The following NKAIN2 variants were observed in gnomAD, a reference collection of about 807,000 sequenced individuals.
NKAIN2 encodes the protein sodium/potassium transporting ATPase interacting 2.
Under a neutral mutation model 32.6 loss-of-function variants are expected in NKAIN2, and 14 were observed. The ratio of observed to expected loss-of-function variants is 0.43; its 90% CI spans 0.28 to 0.67. The LOEUF is 0.67. Ranked by LOEUF, NKAIN2 falls within the 30% of genes least tolerant of loss-of-function variation. The pLI is 0.17. For synonymous variants in NKAIN2, 80 were observed against 87.2 expected (o/e 0.92, Z 0.46); for missense variants, 198 against 258.3 (o/e 0.77, Z 1.60).
chr6:124,227,561 T>G (rs1792186950), intron 1 of NKAIN2, among the ~76,000 whole-genome samples: 1 of 152,204 alleles, frequency 6.6e-6, no homozygotes, highest in Admixed American at 6.6e-5. Flanking sequence ...AATGTTATAA[T>G]TTTAAATTTG....
At chr6:124,795,430 A>G (rs1205491857) in intron 5 of NKAIN2, among the ~76,000 whole-genome samples, 1 of 152,134 alleles carries the variant, frequency 6.6e-6, no homozygotes, top group Non-Finnish European at 1.5e-5. Context: ...ATGAAATACC[A>G]ATAAATCATC....
chr6:124,512,252 A>G (rs1016290014), intron 3 of NKAIN2, among the ~76,000 whole-genome samples: 3 of 152,186 alleles, frequency 2.0e-5, no homozygotes, highest in Non-Finnish European at 2.9e-5. Context: ...GCACCCAAAT[A>G]CACCATGGGG....
intron 3 of NKAIN2, among the ~76,000 whole-genome samples, chr6:124,583,916 A>G (rs1016828155): frequency 2.0e-5 from 3 of 152,216 alleles, no homozygotes; most frequent in Admixed American, 6.5e-5. Context: ...TTGATAAATG[A>G]TGCTGGGAAA....
chr6:123,915,511 G>A (rs556415593), intron 1 of NKAIN2, among the ~76,000 whole-genome samples: 42 of 152,264 alleles, frequency 2.8e-4, no homozygotes, highest in Admixed American at 2.0e-3. Flanking sequence ...TCATCCATGT[G>A]ACTTGGTTTG....
rs766720099 is a variant in NKAIN2 at position 124,399,171 on chromosome 6, C to T, written c.273+43824C>T. Among the ~76,000 whole-genome samples, 53 of 152,334 alleles carry T rather than the reference C, an allele frequency of 3.5e-4. 1 individual carries two copies. The highest frequency in any genetic ancestry group is 3.4e-3 in the Middle Eastern group (1 of 294). On this transcript the variant is annotated intron_variant, in intron 3 of 6. Coordinates refer to ENST00000368417, the MANE Select transcript of NKAIN2 (RefSeq NM_001040214.3). ...TGAACTCCTGACCTCAAGTGATCCACCTACCTTGGACTCCCAAAATGCTGT... is the reference window on the plus strand; with the variant it reads ...TGAACTCCTGACCTCAAGTGATCCATCTACCTTGGACTCCCAAAATGCTGT...
intron 1 of NKAIN2, among the ~76,000 whole-genome samples, chr6:124,118,672 T>G (rs1279597623): frequency 6.6e-6 from 1 of 152,060 alleles, no homozygotes; most frequent in Non-Finnish European, 1.5e-5. Context: ...AAAAGCACGT[T>G]TATAAAACAG....
chr6:124,038,571 T>C (rs1476455705), intron 1 of NKAIN2, among the ~76,000 whole-genome samples: 1 of 152,078 alleles, frequency 6.6e-6, no homozygotes, highest in African/African-American at 2.4e-5. Context: ...AGCATCCACC[T>C]GGAACTGGAC....
intron 1 of NKAIN2, among the ~76,000 whole-genome samples, chr6:124,200,406 T>C (rs540421137): frequency 2.6e-5 from 4 of 152,126 alleles, no homozygotes; most frequent in Non-Finnish European, 5.9e-5. Context: ...GGGTCCTTGC[T>C]GTGTTTTGTT....
intron 3 of NKAIN2, among the ~76,000 whole-genome samples, chr6:124,650,019 A>C (rs1318110047): frequency 6.6e-6 from 1 of 152,192 alleles, no homozygotes; most frequent in Non-Finnish European, 1.5e-5. Context: ...GATAAAGAGT[A>C]CCTATAAAAA....
chr6:124,519,081 A>G (rs2114792056), intron 3 of NKAIN2, among the ~76,000 whole-genome samples: 1 of 152,312 alleles, frequency 6.6e-6, no homozygotes, highest in East Asian at 1.9e-4. Context: ...CAAGTTGGGA[A>G]ATAGAGCAGA....
At chr6:123,931,796 C>T (rs1776263615) in intron 1 of NKAIN2, among the ~76,000 whole-genome samples, 1 of 151,914 alleles carries the variant, frequency 6.6e-6, no homozygotes, top group African/African-American at 2.4e-5. Flanking sequence ...GATCTACTAA[C>T]CCTACTCACC....
At chr6:124,762,609 G>T (rs1157960038) in intron 4 of NKAIN2, among the ~76,000 whole-genome samples, 1 of 152,156 alleles carries the variant, frequency 6.6e-6, no homozygotes, top group Admixed American at 6.6e-5. Context: ...TTAGATATTT[G>T]ATTGTTATTT....
At position 124,133,557 on chromosome 6, in the gene NKAIN2, G is replaced by A. The variant is rs184068484; in HGVS notation, c.55-149448G>A. Among the ~76,000 whole-genome samples the A allele has an allele frequency of 1.2e-3, 188 of 152,142 alleles. 1 individual carries two copies. The highest frequency in any genetic ancestry group is 4.3e-3 in the African/African-American group (180 of 41,518). ...CTACCCAGGGATATATTCCCTATTGGCTTGAAGCCCAGATCATCAACTCAA... is the reference window on the plus strand; with the variant it reads ...CTACCCAGGGATATATTCCCTATTGACTTGAAGCCCAGATCATCAACTCAA... On this transcript the variant is annotated intron_variant, in intron 1 of 6. Transcript: ENST00000368417.
intron 3 of NKAIN2, among the ~76,000 whole-genome samples, chr6:124,483,924 G>A (rs918094725): frequency 6.6e-6 from 1 of 152,182 alleles, no homozygotes; most frequent in South Asian, 2.1e-4. Flanking sequence ...TAAAACTGCA[G>A]ATAATTCCAC....
intron 5 of NKAIN2, among the ~76,000 whole-genome samples, chr6:124,816,336 C>G (rs1211254763): frequency 6.6e-6 from 1 of 152,058 alleles, no homozygotes; most frequent in East Asian, 1.9e-4. Flanking sequence ...GAAACTGTTA[C>G]GGTACTCTAA....
At chr6:124,632,158 AAC>A (rs1490418310) in intron 3 of NKAIN2, among the ~76,000 whole-genome samples, 1 of 152,190 alleles carries the variant, frequency 6.6e-6, no homozygotes, top group Non-Finnish European at 1.5e-5. Context: ...TACAGCTGTG[AAC>A]ACACATCTTA....
intron 4 of NKAIN2, among the ~76,000 whole-genome samples, chr6:124,774,725 G>A (rs1778911787): frequency 6.6e-6 from 1 of 151,900 alleles, no homozygotes. Flanking sequence ...GCATGGTGGT[G>A]TGCACCTGTA....
At position 124,702,440 on chromosome 6, in the gene NKAIN2, T is replaced by C. The variant is rs182479616; in HGVS notation, c.474+44054T>C. ...GAATTGTCTCCATGAATTCCATATC[T>C]GGCTGAGATGAACAGCCAGCAAATT... is the stretch of plus-strand genomic sequence containing the variant. On this transcript the variant is annotated intron_variant, in intron 4 of 6. Transcript: ENST00000368417. Among the ~76,000 whole-genome samples, 275 of 152,272 alleles carry C rather than the reference T, an allele frequency of 1.8e-3. 2 individuals are homozygous for C. The highest frequency in any genetic ancestry group is 8.5e-4 in the Non-Finnish European group (58 of 68,006).
At chr6:124,149,813 T>A (rs1433193561) in intron 1 of NKAIN2, among the ~76,000 whole-genome samples, 1 of 147,020 alleles carries the variant, frequency 6.8e-6, no homozygotes, top group Non-Finnish European at 1.6e-5. Flanking sequence ...AGGTATGCAG[T>A]GTAAGAGCAG....
Sources: gnomAD v4.1 joint callset for allele counts (sites outside exome capture counted in the v4.1 genomes callset) on GRCh38, gnomAD v4.1.1 for gene constraint, MANE v1.5 for transcripts, NCBI Gene and HGNC (gene_info 2026-07-23, HGNC 2026-07-21) for gene names.